Variants in TYW1 observed in about 807,000 individuals in gnomAD.
TYW1 encodes the protein tRNA-yW synthesizing protein 1 homolog, also known as S-adenosyl-L-methionine-dependent tRNA 4-demethylwyosine synthase TYW1.
A neutral mutation model predicts 96.2 loss-of-function variants in TYW1; 46 were observed. The ratio of observed to expected loss-of-function variants is 0.48; its 90% confidence interval spans 0.38 to 0.61. The LOEUF is 0.61. Among genes scored for constraint, TYW1 ranks in the 20% least tolerant of loss-of-function variants. TYW1 has a pLI of 0.00. For missense variants in TYW1, 684 were observed against 909.6 expected (o/e 0.75, Z 3.19); for synonymous variants, 274 against 323.0 (o/e 0.85, Z 1.63).
chr7:67,055,261 G>A (rs1346250339), intron 8 of TYW1, among the ~76,000 whole-genome samples: 2 of 152,140 alleles, frequency 1.3e-5, no homozygotes, highest in Non-Finnish European at 2.9e-5. Flanking sequence ...ATCTGTTAGA[G>A]ACAGAGAGGT....
rs751362720 is a variant in TYW1 at position 67,195,306 on chromosome 7, A to G, written c.1946A>G (p.His649Arg). 1 of 1,613,204 alleles carries G rather than the reference A, an allele frequency of 6.2e-7. No individual in the cohort carries two copies. The highest frequency in any genetic ancestry group is 1.7e-5 in the Admixed American group (1 of 59,936). The change falls in exon 15 of 16, where the codon CAC becomes CGC. Residue 649 changes from histidine to arginine, a missense_variant. Physicochemically the swap from His to Arg is conservative, Grantham distance 29. Coordinates refer to ENST00000359626, the MANE Select transcript of TYW1 (RefSeq NM_018264.4). ...PEYEIACEHE[H>R]SNCLLIAHRK... ...TATGAAATTGCATGTGAACACGAAC[A>G]CTCTAATTGCCTCCTGATAGCACAC... is the stretch of plus-strand genomic sequence containing the variant.
intron 13 of TYW1, among the ~76,000 whole-genome samples, chr7:67,124,263 AATT>A (rs778765446): frequency 5.5e-4 from 84 of 152,266 alleles, no homozygotes; most frequent in Non-Finnish European, 1.0e-3. Flanking sequence ...ATATGTTATT[AATT>A]ATTATTATTT....
At chr7:67,084,039 A>C (rs1338098651) in intron 11 of TYW1, among the ~76,000 whole-genome samples, 1 of 152,172 alleles carries the variant, frequency 6.6e-6, no homozygotes, top group Non-Finnish European at 1.5e-5. Flanking sequence ...CCATCTCAGA[A>C]ATAAATAAAT....
Position 67,085,988 on chromosome 7 carries a change from G to T in TYW1, c.1384+2449G>T, listed in dbSNP as rs560016673. Among the ~76,000 whole-genome samples the T allele has an allele frequency of 7.2e-4, 109 of 151,878 alleles. 1 individual carries two copies. Among genetic ancestry groups the T allele is most frequent in the African/African-American group, 2.6e-3 (108 of 41,434 alleles). On this transcript the variant is annotated intron_variant, in intron 11 of 15. Coordinates refer to ENST00000359626, the MANE Select transcript of TYW1 (RefSeq NM_018264.4). ...CTCCATCTCAAAAAAAAAAAAATTAGTCAATAATTATACTTTTTTTCTTTA... is the reference window on the plus strand; with the variant it reads ...CTCCATCTCAAAAAAAAAAAAATTATTCAATAATTATACTTTTTTTCTTTA...
chr7:67,018,659 G>A (rs936233515), intron 6 of TYW1, among the ~76,000 whole-genome samples: 4 of 151,854 alleles, frequency 2.6e-5, no homozygotes, highest in Admixed American at 2.6e-4. Flanking sequence ...ATGCTTTCCA[G>A]AATCTCTTCT....
At chr7:67,148,984 A>G (rs1798703230) in intron 13 of TYW1, among the ~76,000 whole-genome samples, 1 of 152,220 alleles carries the variant, frequency 6.6e-6, no homozygotes, top group Non-Finnish European at 1.5e-5. Flanking sequence ...AACAGATAAC[A>G]AAGAAGTCAT....
At chr7:67,011,178 C>G (rs1793784542) in intron 4 of TYW1, among the ~76,000 whole-genome samples, 1 of 152,114 alleles carries the variant, frequency 6.6e-6, no homozygotes. Context: ...GCTGGGATTA[C>G]AGGTGCCCAC....
At chr7:67,054,158 T>C (rs1308943842) in intron 8 of TYW1, among the ~76,000 whole-genome samples, 1 of 152,256 alleles carries the variant, frequency 6.6e-6, no homozygotes, top group Non-Finnish European at 1.5e-5. Flanking sequence ...TAAATCCTCT[T>C]TGTTATTCCA....
Position 67,239,408 on chromosome 7 carries a change from T to G in TYW1, c.*879T>G. 1.0e-6 allele frequency: 1 copy of G among 984,256 alleles called. No homozygotes were observed. Among genetic ancestry groups the G allele is most frequent in the Middle Eastern group, 5.2e-4 (1 of 1,912 alleles). 61.0% of individuals were successfully genotyped at this position (984,256 alleles called of 1,614,324 possible). ...ATCTGTTCTATAAGGTTCAGGTGTT[T>G]TCAAGTTGGAAAGATCATAAATACT... On this transcript the variant is annotated 3_prime_UTR_variant, in exon 16 of 16. Coordinates refer to ENST00000359626, the MANE Select transcript of TYW1 (RefSeq NM_018264.4).
chr7:67,099,262 C>T (rs1428994522), intron 12 of TYW1, among the ~76,000 whole-genome samples: 4 of 152,046 alleles, frequency 2.6e-5, no homozygotes, highest in African/African-American at 9.7e-5. Flanking sequence ...GAACTCCTTA[C>T]CTCAAGTGAT....
At chr7:67,220,209 T>TTTTTTC in intron 15 of TYW1, among the ~76,000 whole-genome samples, 1 of 133,488 alleles carries the variant, frequency 7.5e-6, no homozygotes, top group Admixed American at 7.3e-5. Flanking sequence ...TGATTTTTTT[T>TTTTTTC]TTTTTTTTTT....
chr7:66,998,869 CA>C lies in TYW1; in HGVS notation c.191del (p.Asn64MetfsTer16), dbSNP rs1266158122. 1 of 1,614,038 alleles carries C rather than the reference CA, an allele frequency of 6.2e-7. No homozygotes were observed. Among genetic ancestry groups the C allele is most frequent in the Non-Finnish European group, 8.5e-7 (1 of 1,180,034 alleles). ...CCAAAAGCAGCTCAGGATTTGATGA[CA>C]AATGGTTATGTCTCCCTTCAAGAGA... ...SVPKAAQDLM[T>X]NGYVSLQEKD... On this transcript the variant is annotated frameshift_variant, in exon 3 of 16. Coordinates refer to ENST00000359626, the MANE Select transcript of TYW1 (RefSeq NM_018264.4). LOFTEE classifies it high-confidence loss of function.
chr7:67,220,837 A>T (rs983756415), intron 15 of TYW1, among the ~76,000 whole-genome samples: 7 of 151,322 alleles, frequency 4.6e-5, no homozygotes, highest in Non-Finnish European at 7.4e-5. Context: ...TCCCAGGTTC[A>T]AGCGATTCTT....
At chr7:67,088,480 A>C (rs1796614808) in intron 11 of TYW1, among the ~76,000 whole-genome samples, 2 of 152,248 alleles carry the variant, frequency 1.3e-5, no homozygotes, top group Admixed American at 1.3e-4. Flanking sequence ...TTCTTTTAAA[A>C]TGATAACTTT....
At chr7:67,055,344 C>G (rs182565840) in intron 8 of TYW1, among the ~76,000 whole-genome samples, 4 of 152,112 alleles carry the variant, frequency 2.6e-5, no homozygotes, top group African/African-American at 9.7e-5. Flanking sequence ...CGCTTGTAAT[C>G]CCAGCACTTT....
At chr7:67,068,845 G>C (rs1795951449) in intron 10 of TYW1, among the ~76,000 whole-genome samples, 1 of 152,140 alleles carries the variant, frequency 6.6e-6, no homozygotes, top group African/African-American at 2.4e-5. Flanking sequence ...TATTAGGCTT[G>C]TGTTAACTTG....
At chr7:67,187,156 T>C (rs1800055841) in intron 14 of TYW1, among the ~76,000 whole-genome samples, 1 of 147,692 alleles carries the variant, frequency 6.8e-6, no homozygotes, top group Non-Finnish European at 1.5e-5. Flanking sequence ...CGCCGCCTCC[T>C]GGGTTCAAGC....
chr7:66,997,667 C>T (rs1793229567), intron 1 of TYW1, among the ~76,000 whole-genome samples: 1 of 116,818 alleles, frequency 8.6e-6, no homozygotes, highest in African/African-American at 3.3e-5. Context: ...CTTGCTCTGT[C>T]GCCCAGGCTG....
At chr7:67,151,050 T>TC (rs1379240010) in intron 13 of TYW1, among the ~76,000 whole-genome samples, 11 of 147,330 alleles carry the variant, frequency 7.5e-5, no homozygotes, top group African/African-American at 2.8e-4. Context: ...ATATTCTTCT[T>TC]CTTTTTTTTT....
Sources: allele counts gnomAD v4.1 joint callset (sites outside exome capture counted in the v4.1 genomes callset), GRCh38; gene constraint gnomAD v4.1.1; transcripts MANE v1.5; gene names NCBI Gene and HGNC (gene_info 2026-07-23, HGNC 2026-07-21).